CADPS: variants seen among roughly 807,000 people sequenced by gnomAD.
CADPS encodes the protein calcium dependent secretion activator.
Under a neutral mutation model 167.3 loss-of-function variants are expected in CADPS, and 57 were observed. The observed-to-expected ratio is 0.34, with a 90% CI of 0.28 to 0.42. CADPS has a LOEUF of 0.42. Ranked by LOEUF, CADPS falls within the 20% of genes least tolerant of loss-of-function variation. The pLI, the probability that CADPS is intolerant of heterozygous loss-of-function variation, is 1.00. For missense variants in CADPS, 1,414 were observed against 1,738.1 expected, an observed-to-expected ratio of 0.81 and a Z score of 3.32; for synonymous variants, 676 against 635.3, an observed-to-expected ratio of 1.06 and a Z score of -0.96.
At chr3:62,706,246 C>T (rs928153746) in intron 3 of CADPS, among the ~76,000 whole-genome samples, 1 of 152,152 alleles carries the variant, frequency 6.6e-6, no homozygotes, top group African/African-American at 2.4e-5. Context: ...AGTAAATTTT[C>T]TGCCACCCCA....
intron 3 of CADPS, among the ~76,000 whole-genome samples, chr3:62,721,508 CCTT>C (rs1047171466): frequency 1.3e-5 from 2 of 152,060 alleles, no homozygotes; most frequent in African/African-American, 4.8e-5. Context: ...CGTATCACCG[CCTT>C]CTAAGAGATT....
intron 3 of CADPS, among the ~76,000 whole-genome samples, chr3:62,731,832 T>TGAAG (rs1302512798): frequency 6.6e-5 from 4 of 60,174 alleles, no homozygotes; most frequent in South Asian, 6.4e-4. Flanking sequence ...AAAAAAAAAG[T>TGAAG]AAAGAAGGAA....
At chr3:62,650,796 C>G in intron 5 of CADPS, 51 bp downstream of exon 5, 1 of 1,370,756 alleles carries the variant, frequency 7.3e-7, no homozygotes, top group South Asian at 1.2e-5. Flanking sequence ...TCTAATCGCC[C>G]ATGTCCTACT....
At chr3:62,836,105 T>C (rs1186482762) in intron 1 of CADPS, among the ~76,000 whole-genome samples, 4 of 152,194 alleles carry the variant, frequency 2.6e-5, no homozygotes, top group African/African-American at 9.6e-5. Context: ...TGAAATCACT[T>C]GGGAAAAATG....
chr3:62,746,612 T>A (rs987226004), intron 3 of CADPS, among the ~76,000 whole-genome samples: 35 of 152,162 alleles, frequency 2.3e-4, no homozygotes, highest in African/African-American at 8.2e-4. Flanking sequence ...TGTTGGGATT[T>A]CAGATGTGAG....
In CADPS at chr3:62,585,333, GA is replaced by G. The variant is rs1421605184; in HGVS notation, c.1438-10del. Reference sequence around the variant, plus strand: ...GTGGGATGGAGAATAACCTGTAGGGGAAAAAGGACAAGCAACTAGAAAAGAG... The same window carrying G: ...GTGGGATGGAGAATAACCTGTAGGGGAAAAGGACAAGCAACTAGAAAAGAG... On this transcript the variant is annotated splice_polypyrimidine_tract_variant and intron_variant, in intron 7 of 29. Transcript: ENST00000383710. 14 of 1,591,606 alleles carry G rather than the reference GA, an allele frequency of 8.8e-6. No individual in the cohort carries two copies. Among genetic ancestry groups the G allele is most frequent in the Admixed American group, 3.8e-5 (2 of 52,742 alleles).
intron 21 of CADPS, among the ~76,000 whole-genome samples, chr3:62,486,587 T>A (rs1310365786): frequency 6.6e-6 from 1 of 152,114 alleles, no homozygotes; most frequent in East Asian, 1.9e-4. Flanking sequence ...ACAGTGTGCA[T>A]ATATTAAGAA....
chr3:62,841,033 T>C (rs1292133268), intron 1 of CADPS, among the ~76,000 whole-genome samples: 2 of 152,316 alleles, frequency 1.3e-5, no homozygotes, highest in South Asian at 2.1e-4. Context: ...CCATTTTTGT[T>C]AGAGCAAATG....
At chr3:62,414,206 TCA>T (rs2049551469) in intron 28 of CADPS, among the ~76,000 whole-genome samples, 1 of 152,170 alleles carries the variant, frequency 6.6e-6, no homozygotes, top group African/African-American at 2.4e-5. Flanking sequence ...TCATATGTTT[TCA>T]CAGAGACTCC....
chr3:62,532,907 C>G lies in CADPS; in HGVS notation c.2255G>C (p.Ser752Thr), dbSNP rs1408917600. 6.2e-7 allele frequency: 1 copy of G among 1,613,532 alleles called. No individual in the cohort carries two copies. Among genetic ancestry groups the G allele is most frequent in the Non-Finnish European group, 8.5e-7 (1 of 1,179,770 alleles). ...GACATGGGATGCACAGAAGGCAAAG[C>G]TGTAGTGAAGAAGGGTGGGGTCGAT... ...AMIDPTLLHYSFAFCASHVHG... is the reference protein window; with the variant it reads ...AMIDPTLLHYTFAFCASHVHG... The change falls in exon 13 of 30, where the codon AGC becomes ACC. Residue 752 changes from serine (S) to threonine (T), a missense_variant. By Grantham distance (58) the Ser-to-Thr change is moderately conservative. This residue lies in a region of CADPS where 529 missense variants were observed against 629.6 expected (regional missense o/e 0.84). Coordinates refer to ENST00000383710, the MANE Select transcript of CADPS (RefSeq NM_003716.4).
rs776596529 is a variant in CADPS, at chr3:62,557,502, G to A, written c.1656C>T (p.Tyr552=). The A allele has an allele frequency of 1.2e-6, 2 of 1,613,272 alleles. No individual in the cohort carries two copies. The highest frequency in any genetic ancestry group is 1.7e-6 in the Non-Finnish European group (2 of 1,179,228). ...RFFVLVQVSQ[Y]TFAMCSYREK... is the part of the protein sequence containing the mutation. ...CCCGATAACTGCACATGGCAAACGT[G>A]TACTGACTGACCTGTTAAGGAAAAG... Residue 552 remains tyrosine (Y), a synonymous_variant, in exon 10 of 30, where the codon TAC becomes TAT. Coordinates refer to ENST00000383710, the MANE Select transcript of CADPS (RefSeq NM_003716.4).
intron 9 of CADPS, among the ~76,000 whole-genome samples, chr3:62,567,338 CT>C (rs905227026): frequency 5.3e-5 from 8 of 152,070 alleles, no homozygotes; most frequent in Non-Finnish European, 1.0e-4. Context: ...TCTCCTCTCT[CT>C]TCCTTTTTCT....
chr3:62,524,583 T>C (rs2071582605), intron 13 of CADPS, among the ~76,000 whole-genome samples: 1 of 152,206 alleles, frequency 6.6e-6, no homozygotes, highest in Non-Finnish European at 1.5e-5. Flanking sequence ...AATACACCAG[T>C]GAGGACTGTC....
intron 11 of CADPS, among the ~76,000 whole-genome samples, chr3:62,548,823 T>A (rs1394269836): frequency 6.6e-6 from 1 of 152,208 alleles, no homozygotes; most frequent in African/African-American, 2.4e-5. Context: ...CAGGGAAAGC[T>A]TCTTTGTTTG....
chr3:62,768,005 T>C (rs1220719423), intron 1 of CADPS, among the ~76,000 whole-genome samples: 1 of 152,176 alleles, frequency 6.6e-6, no homozygotes, highest in Non-Finnish European at 1.5e-5. Context: ...AACAGCCACA[T>C]GTGGCTAGTG....
chr3:62,867,296 A>G (rs570968117), intron 1 of CADPS, among the ~76,000 whole-genome samples: 58 of 152,158 alleles, frequency 3.8e-4, no homozygotes, highest in Middle Eastern at 3.4e-3. Context: ...AGGAACTCTG[A>G]GGATCCCATC....
At position 62,465,275 on chromosome 3, in the gene CADPS, T is replaced by A; in HGVS notation, c.3636+92A>T. On this transcript the variant is annotated intron_variant, in intron 26 of 29. Transcript: ENST00000383710. The surrounding 1 kb of genome is among the most constrained non-coding windows in gnomAD (Gnocchi z 4.1). Reference sequence around the variant, plus strand: ...TGACTATAATTAACACACACACCCATCCCAAAACAAAATGACACAACATAA... The same window carrying A: ...TGACTATAATTAACACACACACCCAACCCAAAACAAAATGACACAACATAA... 1.2e-6 allele frequency: 1 copy of A among 835,962 alleles called. No individual in the cohort carries two copies. The highest frequency in any genetic ancestry group is 1.9e-6 in the Non-Finnish European group (1 of 515,234). 51.8% of individuals were successfully genotyped at this position (835,962 alleles called of 1,614,324 possible).
At chr3:62,580,673 C>T (rs1578179989) in intron 8 of CADPS, among the ~76,000 whole-genome samples, 1 of 151,910 alleles carries the variant, frequency 6.6e-6, no homozygotes, top group African/African-American at 2.4e-5. Flanking sequence ...CTGCTAATAT[C>T]TCATCAGGAA....
intron 6 of CADPS, among the ~76,000 whole-genome samples, chr3:62,638,646 C>T (rs906912990): frequency 2.6e-5 from 4 of 152,012 alleles, no homozygotes; most frequent in South Asian, 2.1e-4. Context: ...AGATTTTTCA[C>T]GTTTAGATGG....
Sources: gnomAD v4.1 joint callset for allele counts (sites outside exome capture counted in the v4.1 genomes callset) on GRCh38, gnomAD v4.1.1 for gene constraint, gnomAD v4.1.1 regional missense constraint, Gnocchi (gnomAD v3.1) non-coding constraint, MANE v1.5 for transcripts, NCBI Gene and HGNC (gene_info 2026-07-23, HGNC 2026-07-21) for gene names.